CNTNAP2: variants seen among roughly 807,000 people sequenced by gnomAD.
The protein encoded by CNTNAP2 is contactin associated protein 2.
Under a neutral mutation model 155.2 loss-of-function variants are expected in CNTNAP2, and 98 were observed. That is an observed-to-expected ratio of 0.63 (90% CI 0.54 to 0.75). CNTNAP2 has a LOEUF of 0.75. CNTNAP2 is among the 30% of genes least tolerant of loss of function. CNTNAP2 has a pLI of 0.00. For missense variants in CNTNAP2, 1,727 were observed against 1,688.1 expected (o/e 1.02, Z -0.40); for synonymous variants, 651 against 631.2 (o/e 1.03, Z -0.47).
At chr7:147,344,336 A>T (rs1266100054) in intron 9 of CNTNAP2, among the ~76,000 whole-genome samples, 2 of 152,196 alleles carry the variant, frequency 1.3e-5, no homozygotes, top group African/African-American at 4.8e-5. Context: ...ACATTTAAAG[A>T]TATTTAGGGT....
At chr7:146,962,749 C>A (rs916931832) in intron 3 of CNTNAP2, 1 of 152,210 alleles carries the variant, frequency 6.6e-6, no homozygotes, top group Non-Finnish European at 1.5e-5. Context: ...CAGGGTTTTG[C>A]CATGTTGGCC....
intron 14 of CNTNAP2, among the ~76,000 whole-genome samples, chr7:147,938,202 T>A (rs907200766): frequency 6.6e-6 from 1 of 152,226 alleles, no homozygotes. Context: ...ATAGAAGTCC[T>A]TTTCTAAAAT....
chr7:147,084,313 C>A (rs1563070881), intron 4 of CNTNAP2, among the ~76,000 whole-genome samples: 2 of 28,350 alleles, frequency 7.1e-5, no homozygotes, highest in Non-Finnish European at 5.8e-5. Flanking sequence ...ATATATAATC[C>A]ATATATGCAT....
rs1475538846 is a variant in CNTNAP2 at position 147,925,308 on chromosome 7, A to G, written c.2255+21587A>G. On this transcript the variant is annotated intron_variant, in intron 14 of 23. Coordinates refer to ENST00000361727, the MANE Select transcript of CNTNAP2 (RefSeq NM_014141.6). ...AGCGCGCGCGCACACACACACACACACACACACACACACACACACACACAG... is the reference window on the plus strand; with the variant it reads ...AGCGCGCGCGCACACACACACACACGCACACACACACACACACACACACAG... 7.3e-3 allele frequency among the ~76,000 whole-genome samples: 1,104 copies of G among 150,954 alleles called. 20 individuals carry two copies. The highest frequency in any genetic ancestry group is 0.042 in the Middle Eastern group (12 of 284).
intron 9 of CNTNAP2, among the ~76,000 whole-genome samples, chr7:147,373,639 G>A (rs1318578160): frequency 1.3e-5 from 2 of 152,002 alleles, no homozygotes; most frequent in East Asian, 3.9e-4. Context: ...CTTGAGAACT[G>A]TTTCTAGTTG....
chr7:146,246,237 G>GA (rs1563006033), intron 1 of CNTNAP2, among the ~76,000 whole-genome samples: 6 of 149,454 alleles, frequency 4.0e-5, no homozygotes, highest in Non-Finnish European at 5.9e-5. Flanking sequence ...GGGTTAAGGT[G>GA]GGGTAATACA....
At chr7:147,219,877 G>A (rs1235337158) in intron 8 of CNTNAP2, among the ~76,000 whole-genome samples, 10 of 151,460 alleles carry the variant, frequency 6.6e-5, no homozygotes, top group Admixed American at 2.6e-4. Context: ...CCGGGTTCAC[G>A]CCATGCTTCT....
chr7:147,889,882 A>C (rs1264578979), intron 13 of CNTNAP2, among the ~76,000 whole-genome samples: 8 of 152,236 alleles, frequency 5.3e-5, no homozygotes, highest in Non-Finnish European at 1.5e-5. Flanking sequence ...CTATTAGAAA[A>C]TAAATATTTT....
intron 3 of CNTNAP2, among the ~76,000 whole-genome samples, chr7:146,875,558 A>G (rs1450925012): frequency 1.3e-5 from 2 of 152,118 alleles, no homozygotes; most frequent in Admixed American, 6.6e-5. Flanking sequence ...AAATGTAAAC[A>G]TCAATGAAGA....
In CNTNAP2 at chr7:146,612,671, A is replaced by G. The variant is rs533331428; in HGVS notation, c.98-161600A>G. On this transcript the variant is annotated intron_variant, in intron 1 of 23. Transcript: ENST00000361727. Reference sequence around the variant, plus strand: ...AAAGCATTTATTTTTAAAACTTGGCACGGATTATTAAGACGGGTACAGCTT... The same window carrying G: ...AAAGCATTTATTTTTAAAACTTGGCGCGGATTATTAAGACGGGTACAGCTT... Among the ~76,000 whole-genome samples the G allele has an allele frequency of 6.6e-5, 10 of 152,066 alleles. No homozygotes were observed. In the East Asian group the frequency reaches 1.7e-3, roughly 26 times the overall value.
chr7:147,682,135 C>T (rs1386651276), intron 13 of CNTNAP2, among the ~76,000 whole-genome samples: 1 of 150,680 alleles, frequency 6.6e-6, no homozygotes, highest in Non-Finnish European at 1.5e-5. Context: ...GATGAAATTC[C>T]CTATCTTCTA....
chr7:146,498,634 A>G (rs1034892702), intron 1 of CNTNAP2, among the ~76,000 whole-genome samples: 9 of 151,986 alleles, frequency 5.9e-5, no homozygotes, highest in African/African-American at 2.2e-4. Context: ...TTGTTTATAT[A>G]CACTGTGAAC....
Position 146,508,701 on chromosome 7 carries a change from A to G in CNTNAP2, c.98-265570A>G, listed in dbSNP as rs187259900. On this transcript the variant is annotated intron_variant, in intron 1 of 23. Transcript: ENST00000361727. The stretch of plus-strand genomic sequence containing the variant: ...TTCACCCATCTGCAAGTAGTCCTTG[A>G]GCTGGAGCATCTGGGTGGGACATGG... Among the ~76,000 whole-genome samples, 455 of 152,280 alleles carry G rather than the reference A, an allele frequency of 3.0e-3. 3 individuals carry two copies. Among genetic ancestry groups the G allele is most frequent in the Non-Finnish European group, 4.9e-3 (330 of 68,010 alleles).
chr7:146,590,243 G>T (rs962212802), intron 1 of CNTNAP2, among the ~76,000 whole-genome samples: 2 of 152,134 alleles, frequency 1.3e-5, no homozygotes, highest in African/African-American at 4.8e-5. Flanking sequence ...AGGTTACCCA[G>T]CTGACTTCTA....
At chr7:146,852,752 A>G (rs993528345) in intron 3 of CNTNAP2, among the ~76,000 whole-genome samples, 4 of 152,182 alleles carry the variant, frequency 2.6e-5, no homozygotes, top group African/African-American at 9.7e-5. Context: ...TTTGGATTAT[A>G]CTAGTATCTG....
intron 13 of CNTNAP2, among the ~76,000 whole-genome samples, chr7:147,735,712 T>G (rs1394287424): frequency 5.3e-5 from 8 of 152,206 alleles, no homozygotes; most frequent in Non-Finnish European, 2.9e-5. Context: ...GCTCCTGTAT[T>G]GGGTGCATAT....
At chr7:148,399,024 C>A (rs1285047424) in intron 22 of CNTNAP2, among the ~76,000 whole-genome samples, 1 of 152,208 alleles carries the variant, frequency 6.6e-6, no homozygotes. Flanking sequence ...CTTGCTAATA[C>A]TGCTTTGCTA....
At chr7:148,036,853 A>G (rs542052163) in intron 15 of CNTNAP2, among the ~76,000 whole-genome samples, 88 of 152,290 alleles carry the variant, frequency 5.8e-4, no homozygotes, top group Admixed American at 1.2e-3. Flanking sequence ...AAAGTTCCAC[A>G]GAGTCAACAT....
chr7:146,596,627 GAGAGA>G (rs1338903051), intron 1 of CNTNAP2, among the ~76,000 whole-genome samples: 4 of 150,708 alleles, frequency 2.7e-5, no homozygotes, highest in Non-Finnish European at 5.9e-5. Context: ...GAGAGAGAGA[GAGAGA>G]GAGAGAGAAA....
Sources: allele counts gnomAD v4.1 joint callset (sites outside exome capture counted in the v4.1 genomes callset), GRCh38; gene constraint gnomAD v4.1.1; transcripts MANE v1.5; gene names NCBI Gene and HGNC (gene_info 2026-07-23, HGNC 2026-07-21).